PACRG: variants seen among roughly 807,000 people sequenced by gnomAD.
PACRG encodes the protein parkin coregulated gene protein.
A neutral mutation model predicts 29.7 loss-of-function variants in PACRG; 29 were observed. That is an observed-to-expected ratio of 0.98 (90% confidence interval 0.73 to 1.33). The LOEUF is 1.33. Ranked by LOEUF, PACRG falls within the 40% of genes most tolerant of loss-of-function variation. The pLI, the probability that PACRG is intolerant of heterozygous loss-of-function variation, is 0.00. For synonymous variants in PACRG, 116 were observed against 118.7 expected, an observed-to-expected ratio of 0.98 and a Z score of 0.15; for missense variants, 279 against 316.2, an observed-to-expected ratio of 0.88 and a Z score of 0.89.
chr6:162,912,918 C>CAAAAAAAAAA (rs1796408423), intron 2 of PACRG, among the ~76,000 whole-genome samples: 1 of 127,380 alleles, frequency 7.9e-6, no homozygotes. Context: ...CCAAAACAAA[C>CAAAAAAAAAA]AAACAAAAAA....
At chr6:163,078,467 C>G (rs937892021) in intron 3 of PACRG, among the ~76,000 whole-genome samples, 5 of 144,764 alleles carry the variant, frequency 3.5e-5, no homozygotes, top group Non-Finnish European at 6.0e-5. Flanking sequence ...GCGCTCCAGC[C>G]TGGGCAACAA....
At chr6:162,978,520 G>T (rs991279201) in intron 2 of PACRG, among the ~76,000 whole-genome samples, 1 of 151,982 alleles carries the variant, frequency 6.6e-6, no homozygotes. Context: ...ATTCTATATG[G>T]TGTGAGGATT....
intron 4 of PACRG, among the ~76,000 whole-genome samples, chr6:163,274,842 T>A (rs1783968215): frequency 6.9e-6 from 1 of 144,708 alleles, no homozygotes; most frequent in Admixed American, 7.2e-5. Context: ...GTACTTCTTT[T>A]TCTTTTCTTT....
chr6:163,098,462 C>A (rs1274913496), intron 4 of PACRG, among the ~76,000 whole-genome samples: 1 of 152,216 alleles, frequency 6.6e-6, no homozygotes, highest in African/African-American at 2.4e-5. Context: ...CGATTATTCC[C>A]AATCTGCCTT....
chr6:163,166,236 T>C, intron 4 of PACRG: 1 of 455,840 alleles, frequency 2.2e-6, no homozygotes, highest in Non-Finnish European at 4.4e-6. Flanking sequence ...GCTCTCCTCT[T>C]TGACTGTTTT....
chr6:163,091,764 C>A (rs528067687), intron 4 of PACRG, among the ~76,000 whole-genome samples: 144 of 152,256 alleles, frequency 9.5e-4, no homozygotes, highest in African/African-American at 3.4e-3. Flanking sequence ...TTTTCAATTA[C>A]ATTAGAATTT....
At chr6:163,061,793 G>A (rs892432984) in intron 2 of PACRG, among the ~76,000 whole-genome samples, 1 of 152,016 alleles carries the variant, frequency 6.6e-6, no homozygotes, top group Admixed American at 6.5e-5. Context: ...TTATTTTTAC[G>A]TGGATCTTTT....
chr6:163,037,941 T>C (rs1003893949), intron 2 of PACRG, among the ~76,000 whole-genome samples: 3 of 152,264 alleles, frequency 2.0e-5, no homozygotes, highest in Non-Finnish European at 4.4e-5. Context: ...CACTTAATGA[T>C]TATTCATGTA....
At chr6:163,011,307 C>T (rs1408995585) in intron 2 of PACRG, among the ~76,000 whole-genome samples, 1 of 152,234 alleles carries the variant, frequency 6.6e-6, no homozygotes, top group Non-Finnish European at 1.5e-5. Context: ...CACCTAGGCC[C>T]TGCGGTGTAG....
At chr6:163,061,792 C>T (rs1030995705) in intron 2 of PACRG, among the ~76,000 whole-genome samples, 4 of 152,114 alleles carry the variant, frequency 2.6e-5, no homozygotes, top group Non-Finnish European at 5.9e-5. Flanking sequence ...TTTATTTTTA[C>T]GTGGATCTTT....
intron 2 of PACRG, among the ~76,000 whole-genome samples, chr6:163,016,521 A>C (rs1429230100): frequency 2.0e-5 from 3 of 152,162 alleles, no homozygotes; most frequent in African/African-American, 7.2e-5. Context: ...ATAGAACTGC[A>C]AGTATTTTTG....
chr6:163,031,292 G>A (rs1196343708), intron 2 of PACRG, among the ~76,000 whole-genome samples: 1 of 152,162 alleles, frequency 6.6e-6, no homozygotes, highest in Non-Finnish European at 1.5e-5. Context: ...CCATGAACTA[G>A]GCAACTGTTG....
At chr6:162,947,179 C>T (rs1006359632) in intron 2 of PACRG, among the ~76,000 whole-genome samples, 1 of 149,652 alleles carries the variant, frequency 6.7e-6, no homozygotes, top group Non-Finnish European at 1.5e-5. Context: ...CCAAATCATC[C>T]CTCTTTCCAG....
intron 2 of PACRG, among the ~76,000 whole-genome samples, chr6:162,890,311 TTATGA>T (rs1794661955): frequency 6.6e-6 from 1 of 152,186 alleles, no homozygotes; most frequent in African/African-American, 2.4e-5. Flanking sequence ...GGAAGAAACC[TTATGA>T]TATGATATGA....
At chr6:163,030,379 T>C (rs530015229) in intron 2 of PACRG, among the ~76,000 whole-genome samples, 2 of 152,342 alleles carry the variant, frequency 1.3e-5, no homozygotes, top group Non-Finnish European at 2.9e-5. Flanking sequence ...ACATAAAGTT[T>C]CTTCCAGCTT....
intron 2 of PACRG, among the ~76,000 whole-genome samples, chr6:162,981,478 G>A (rs1435387740): frequency 6.6e-6 from 1 of 151,872 alleles, no homozygotes; most frequent in African/African-American, 2.4e-5. Context: ...GATGCCTCCA[G>A]ATTTGTGCTT....
intron 2 of PACRG, among the ~76,000 whole-genome samples, chr6:162,972,713 T>C (rs1316369220): frequency 6.6e-6 from 1 of 152,194 alleles, no homozygotes; most frequent in African/African-American, 2.4e-5. Flanking sequence ...TCTGTGAATC[T>C]GGACATCTCA....
intron 2 of PACRG, among the ~76,000 whole-genome samples, chr6:162,947,595 C>CATATATATATAATCATATATATATATAT (rs1799253594): frequency 3.6e-5 from 1 of 27,988 alleles, no homozygotes; most frequent in Non-Finnish European, 7.1e-5. Flanking sequence ...TATATATAAT[C>CATATATATATAATCATATATATATATAT]ATATATATAT....
At chr6:162,766,644 T>G (rs1041181765) in intron 1 of PACRG, among the ~76,000 whole-genome samples, 4 of 152,214 alleles carry the variant, frequency 2.6e-5, no homozygotes, top group African/African-American at 9.6e-5. Flanking sequence ...TGAATCTCCA[T>G]AATGTTTTCA....
Sources: allele counts gnomAD v4.1 joint callset (sites outside exome capture counted in the v4.1 genomes callset), GRCh38; gene constraint gnomAD v4.1.1; transcripts MANE v1.5; gene names NCBI Gene and HGNC (gene_info 2026-07-23, HGNC 2026-07-21).